The following GALNT13 variants were observed in gnomAD, a reference collection of about 807,000 sequenced individuals.
GALNT13 encodes the protein polypeptide N-acetylgalactosaminyltransferase 13.
In GALNT13, 28 loss-of-function variants were observed where a neutral mutation model predicts 64.2. The ratio of observed to expected loss-of-function variants is 0.44; its 90% CI spans 0.32 to 0.60. The LOEUF is 0.60. Among genes scored for constraint, GALNT13 ranks in the 20% least tolerant of loss-of-function variants. GALNT13 has a pLI of 0.05. For synonymous variants in GALNT13, 214 were observed against 224.6 expected (o/e 0.95, Z 0.42); for missense variants, 577 against 669.8 (o/e 0.86, Z 1.53).
the GALNT13 span, chr2:153,477,747 A>AG: frequency 4.0e-4 from 62 of 156,856 alleles, no homozygotes; most frequent in East Asian, 6.1e-3. Flanking sequence ...CCTCCAGGGC[A>AG]GGGGGGGAGC....
chr2:154,030,996 T>C (rs1039622201), intron 3 of GALNT13, among the ~76,000 whole-genome samples: 2 of 152,064 alleles, frequency 1.3e-5, no homozygotes, highest in Non-Finnish European at 2.9e-5. Context: ...ATAAAATGAA[T>C]GAAGGTAAAA....
At chr2:153,211,382 A>G in the GALNT13 span, among the ~76,000 whole-genome samples, 1 of 152,130 alleles carries the variant, frequency 6.6e-6, no homozygotes, top group Admixed American at 6.6e-5. Context: ...CACTCAGGCA[A>G]TCCACCCATC....
the GALNT13 span, among the ~76,000 whole-genome samples, chr2:153,323,912 T>C: frequency 5.3e-5 from 8 of 152,210 alleles, no homozygotes; most frequent in African/African-American, 9.6e-5. Context: ...TATTTTAAAG[T>C]CAGGTAGCAT....
At chr2:153,867,208 A>G (rs1019673102), upstream of GALNT13, among the ~76,000 whole-genome samples, 3 of 152,024 alleles carry the variant, frequency 2.0e-5, no homozygotes, top group Non-Finnish European at 4.4e-5. Context: ...TTGCTTTCCC[A>G]CCCACAATGG....
intron 4 of GALNT13, among the ~76,000 whole-genome samples, chr2:154,186,257 G>A (rs1686244338): frequency 1.3e-5 from 2 of 151,976 alleles, no homozygotes; most frequent in Non-Finnish European, 1.5e-5. Flanking sequence ...TTAAATGACA[G>A]TTTGTCTGTC....
chr2:153,395,421 C>T, the GALNT13 span, among the ~76,000 whole-genome samples: 7 of 152,064 alleles, frequency 4.6e-5, no homozygotes, highest in Non-Finnish European at 8.8e-5. Flanking sequence ...TCCTTTCAAA[C>T]GAATGCTGAA....
the GALNT13 span, among the ~76,000 whole-genome samples, chr2:153,173,851 A>G: frequency 6.6e-6 from 1 of 152,230 alleles, no homozygotes; most frequent in Non-Finnish European, 1.5e-5. Flanking sequence ...ATCCTGAGGA[A>G]AAACTTTTTT....
At chr2:154,132,668 C>G (rs1261190156) in intron 3 of GALNT13, among the ~76,000 whole-genome samples, 1 of 151,698 alleles carries the variant, frequency 6.6e-6, no homozygotes, top group East Asian at 1.9e-4. Flanking sequence ...GGTGGGTCAC[C>G]TGAGGTCAGG....
In GALNT13 at chr2:154,453,741, A is replaced by G. The variant is rs528443453; in HGVS notation, c.*3190A>G. ...TATTCTCTAAATATTTCTTGAATTAATGAACTGAAAAATGTGTGTTAAAGT... is the reference window on the plus strand; with the variant it reads ...TATTCTCTAAATATTTCTTGAATTAGTGAACTGAAAAATGTGTGTTAAAGT... On this transcript the variant is annotated 3_prime_UTR_variant, in exon 13 of 13. Coordinates refer to ENST00000392825, the MANE Select transcript of GALNT13 (RefSeq NM_052917.4). The G allele has an allele frequency of 7.9e-5, 12 of 152,298 alleles. 1 individual carries two copies. The highest frequency in any genetic ancestry group is 2.4e-4 in the African/African-American group (10 of 41,576). The allele number at this position is 152,298 out of a possible 1,614,324, so 9.4% of individuals were successfully genotyped here.
At chr2:153,368,423 A>T in the GALNT13 span, among the ~76,000 whole-genome samples, 122,974 of 152,018 alleles carry the variant, frequency 0.81, 50,567 homozygotes, top group Middle Eastern at 0.86. Flanking sequence ...CTTTCCAGGT[A>T]TCAGAACTGT....
At chr2:154,313,417 GAT>G (rs10567387) in intron 9 of GALNT13, among the ~76,000 whole-genome samples, 1,405 of 58,292 alleles carry the variant, frequency 0.024, 20 homozygotes, top group African/African-American at 0.06. Context: ...ACCCAGTAGA[GAT>G]ATATATATAT....
the GALNT13 span, among the ~76,000 whole-genome samples, chr2:153,749,427 T>C: frequency 0.016 from 2,484 of 152,136 alleles, 74 homozygotes; most frequent in East Asian, 0.13. Flanking sequence ...TTGCTTTGCG[T>C]AGTATGGACA....
At chr2:153,331,619 C>G in the GALNT13 span, among the ~76,000 whole-genome samples, 1 of 152,040 alleles carries the variant, frequency 6.6e-6, no homozygotes, top group Admixed American at 6.6e-5. Context: ...GCCAGTCTTT[C>G]CTTTTCACGT....
chr2:153,685,232 G>C, the GALNT13 span, among the ~76,000 whole-genome samples: 1 of 152,024 alleles, frequency 6.6e-6, no homozygotes, highest in East Asian at 1.9e-4. Context: ...TTGCCACACT[G>C]TCTTCTGCAA....
At chr2:153,518,618 T>A in the GALNT13 span, among the ~76,000 whole-genome samples, 1 of 152,152 alleles carries the variant, frequency 6.6e-6, no homozygotes, top group Non-Finnish European at 1.5e-5. Flanking sequence ...TTGTATGAGT[T>A]CTTAGTATTG....
At chr2:153,223,134 A>C in the GALNT13 span, among the ~76,000 whole-genome samples, 2 of 152,250 alleles carry the variant, frequency 1.3e-5, no homozygotes, top group Non-Finnish European at 2.9e-5. Flanking sequence ...AAACAATCTT[A>C]AATATGTGTG....
At chr2:153,311,362 A>C in the GALNT13 span, among the ~76,000 whole-genome samples, 1 of 152,236 alleles carries the variant, frequency 6.6e-6, no homozygotes, top group Non-Finnish European at 1.5e-5. Context: ...CCAAATATGA[A>C]GAAAGGCACA....
At chr2:153,820,869 A>G in the GALNT13 span, among the ~76,000 whole-genome samples, 1 of 152,156 alleles carries the variant, frequency 6.6e-6, no homozygotes. Context: ...TATCAATATT[A>G]ACCTTGAATA....
the GALNT13 span, among the ~76,000 whole-genome samples, chr2:153,085,313 TA>T: frequency 2.2e-4 from 33 of 152,180 alleles, no homozygotes; most frequent in Non-Finnish European, 2.1e-4. Flanking sequence ...TTTGCATAAG[TA>T]ACAAGGAGCT....
Sources: gnomAD v4.1 joint callset for allele counts (sites outside exome capture counted in the v4.1 genomes callset) on GRCh38, gnomAD v4.1.1 for gene constraint, MANE v1.5 for transcripts, NCBI Gene and HGNC (gene_info 2026-07-23, HGNC 2026-07-21) for gene names.